The following FSD2 variants were observed in gnomAD, a reference collection of about 807,000 sequenced individuals.
FSD2 encodes fibronectin type III and SPRY domain containing 2, also known as fibronectin type III and SPRY domain-containing protein 2.
FSD2 carries 71 observed loss-of-function variants against 80.4 expected under a neutral mutation model. That is an observed-to-expected ratio of 0.88 (90% CI 0.73 to 1.08). The LOEUF (loss-of-function observed/expected upper bound fraction) is 1.08. Ranked by LOEUF, FSD2 falls within the 50% of genes least tolerant of loss-of-function variation. The pLI is 0.00. For synonymous variants in FSD2, 361 were observed against 329.5 expected (o/e 1.10, Z -1.03); for missense variants, 923 against 913.8 (o/e 1.01, Z -0.13).
At chr15:82,784,833 C>T (rs2049957610) in intron 3 of FSD2, among the ~76,000 whole-genome samples, 1 of 152,200 alleles carries the variant, frequency 6.6e-6, no homozygotes, top group African/African-American at 2.4e-5. Flanking sequence ...CTAAGCTCCT[C>T]AGTCCTGGTT....
At chr15:82,760,538 G>A (rs186712035) in intron 12 of FSD2, among the ~76,000 whole-genome samples, 1 of 152,172 alleles carries the variant, frequency 6.6e-6, no homozygotes, top group African/African-American at 2.4e-5. Context: ...GTCAGAGGAA[G>A]CCTGCCTGTC....
chr15:82,775,466 C>G (rs2049694152), intron 6 of FSD2, among the ~76,000 whole-genome samples: 1 of 151,886 alleles, frequency 6.6e-6, no homozygotes, highest in African/African-American at 2.4e-5. Context: ...AGTTTGGATG[C>G]CTTTCTATCT....
intron 11 of FSD2, among the ~76,000 whole-genome samples, chr15:82,764,826 G>A (rs1335722305): frequency 6.6e-6 from 1 of 151,798 alleles, no homozygotes; most frequent in East Asian, 1.9e-4. Context: ...TGTTCAGAAC[G>A]CCAAGAACTT....
chr15:82,772,432 GA>G (rs1191261162), intron 6 of FSD2, among the ~76,000 whole-genome samples: 1 of 152,170 alleles, frequency 6.6e-6, no homozygotes, highest in East Asian at 1.9e-4. Context: ...TTCTTGCTTT[GA>G]CAAGTGCAGA....
intron 1 of FSD2, among the ~76,000 whole-genome samples, chr15:82,800,348 G>A (rs1289167511): frequency 6.6e-6 from 1 of 152,116 alleles, no homozygotes; most frequent in Non-Finnish European, 1.5e-5. Flanking sequence ...TTTGAGACAG[G>A]CAGGCTAGCT....
At chr15:82,805,541 T>A (rs2050507671) in intron 1 of FSD2, among the ~76,000 whole-genome samples, 1 of 152,168 alleles carries the variant, frequency 6.6e-6, no homozygotes, top group Non-Finnish European at 1.5e-5. Context: ...TTTTTAGTAT[T>A]TGAATCAATG....
At chr15:82,788,491 C>T (rs149555644) in intron 1 of FSD2, among the ~76,000 whole-genome samples, 1 of 115,260 alleles carries the variant, frequency 8.7e-6, no homozygotes, top group Non-Finnish European at 1.7e-5. Flanking sequence ...GGTGACAGAG[C>T]AGGACCCTGT....
chr15:82,801,265 C>A (rs1317430578), intron 1 of FSD2, among the ~76,000 whole-genome samples: 1 of 152,178 alleles, frequency 6.6e-6, no homozygotes, highest in Non-Finnish European at 1.5e-5. Flanking sequence ...GCTCTTAACC[C>A]AGAGGGGCCC....
Position 82,769,018 on chromosome 15 carries a change from G to C in FSD2, c.1415C>G (p.Pro472Arg), listed in dbSNP as rs916142931. 3 of 1,582,692 alleles carry C rather than the reference G, an allele frequency of 1.9e-6. No homozygotes were observed. The highest frequency in any genetic ancestry group is 1.8e-5 in the Admixed American group (1 of 54,194). ...RAVYMTAPSP[P>R]IIKTKEIRSC... ...CCTTATCTCTTTGGTTTTAATAATG[G>C]GGGGAGAAGGTGCTAAATGTGGGAG... is the stretch of plus-strand genomic sequence containing the variant. The change falls in exon 9 of 13, where the codon CCC (proline) becomes CGC (arginine). Residue 472 changes from proline (P) to arginine (R), a missense_variant. Physicochemically the swap from Pro to Arg is moderately radical, Grantham distance 103. Transcript: ENST00000334574.
chr15:82,760,356 A>ATAC (rs1405242618), intron 12 of FSD2, among the ~76,000 whole-genome samples: 1 of 152,186 alleles, frequency 6.6e-6, no homozygotes, highest in Non-Finnish European at 1.5e-5. Context: ...TTACCAATCA[A>ATAC]TACTATATCA....
chr15:82,800,310 G>A (rs889034664), intron 1 of FSD2, among the ~76,000 whole-genome samples: 2 of 152,176 alleles, frequency 1.3e-5, no homozygotes, highest in African/African-American at 2.4e-5. Flanking sequence ...TGCCAACACA[G>A]TTCTACATCT....
At chr15:82,765,442 A>C (rs2049393095) in intron 10 of FSD2, 144 bp from the exon 11 acceptor site, 1 of 1,017,020 alleles carries the variant, frequency 9.8e-7, no homozygotes, top group Admixed American at 2.7e-5. Context: ...CAAGGATGGC[A>C]ATTGACACTC....
At position 82,756,654 on chromosome 15, in the gene FSD2, CTG is replaced by C. The variant is rs1315135526; in HGVS notation, c.*2692_*2693del. 1 of 152,318 alleles carries C rather than the reference CTG, an allele frequency of 6.6e-6. No homozygotes were observed. Among genetic ancestry groups the C allele is most frequent in the South Asian group, 2.1e-4 (1 of 4,828 alleles). 9.4% of individuals were successfully genotyped at this position (152,318 alleles called of 1,614,324 possible). A position where few individuals can be genotyped will look rare whatever the true frequency, so the allele number is the denominator to read the frequency against. ...TGCCTTAAATCCTGAATACTGTACTCTGTATTACTAAACCCATGTTAGTTTAC... is the reference window on the plus strand; with the variant it reads ...TGCCTTAAATCCTGAATACTGTACTCTATTACTAAACCCATGTTAGTTTAC... On this transcript the variant is annotated 3_prime_UTR_variant, in exon 13 of 13. Transcript: ENST00000334574.
chr15:82,789,957 A>G (rs886408169), intron 1 of FSD2, among the ~76,000 whole-genome samples: 1 of 152,130 alleles, frequency 6.6e-6, no homozygotes, highest in African/African-American at 2.4e-5. Context: ...TGGGCGGATC[A>G]TGAGGTCAGG....
intron 11 of FSD2, 80 bp from the exon 12 acceptor site, chr15:82,762,358 G>C: frequency 1.4e-6 from 2 of 1,389,592 alleles, no homozygotes; most frequent in Non-Finnish European, 2.0e-6. Context: ...CAGTTGCTGG[G>C]ATCAGTCAGT....
Position 82,772,269 on chromosome 15 carries a change from A to G in FSD2, c.1112-41T>C, listed in dbSNP as rs2049600791. The G allele has an allele frequency of 1.9e-6, 3 of 1,565,450 alleles. No homozygotes were observed. The South Asian group carries it at 3.5e-5, about 18-fold the overall frequency. ...AAAAAAGAAGAGGAACCTCTAATAG[A>G]GGTGTGGGGTGACAGTGGCCCCTTT... On this transcript the variant is annotated intron_variant, in intron 6 of 12. Transcript: ENST00000334574.
chr15:82,795,594 C>T (rs572604934), intron 1 of FSD2, among the ~76,000 whole-genome samples: 47 of 152,086 alleles, frequency 3.1e-4, no homozygotes, highest in Non-Finnish European at 5.1e-4. Flanking sequence ...CTTTAGGAGG[C>T]TAAGGTGGGC....
intron 1 of FSD2, among the ~76,000 whole-genome samples, chr15:82,791,051 T>G (rs1281210314): frequency 2.6e-5 from 4 of 151,836 alleles, no homozygotes; most frequent in Non-Finnish European, 5.9e-5. Flanking sequence ...CAGGCTGGAG[T>G]GCAGTGGCGC....
chr15:82,797,610 A>T (rs1429046978), intron 1 of FSD2, among the ~76,000 whole-genome samples: 1 of 152,190 alleles, frequency 6.6e-6, no homozygotes, highest in East Asian at 1.9e-4. Context: ...GGAGATCGAA[A>T]CCGTCCTGGC....
Sources: gnomAD v4.1 joint callset for allele counts (sites outside exome capture counted in the v4.1 genomes callset) on GRCh38, gnomAD v4.1.1 for gene constraint, MANE v1.5 for transcripts, NCBI Gene and HGNC (gene_info 2026-07-23, HGNC 2026-07-21) for gene names.